The following MTTP variants were observed in gnomAD, a reference collection of about 807,000 sequenced individuals.
MTTP encodes microsomal triglyceride transfer protein large subunit.
Under a neutral mutation model 90.6 loss-of-function variants are expected in MTTP, and 49 were observed. The observed-to-expected ratio is 0.54, with a 90% CI of 0.43 to 0.69. The LOEUF (loss-of-function observed/expected upper bound fraction) is 0.69. MTTP is among the 30% of genes least tolerant of loss of function. MTTP has a pLI of 0.00. For missense variants in MTTP, 945 were observed against 1,067.5 expected, an observed-to-expected ratio of 0.89 and a Z score of 1.60; for synonymous variants, 347 against 384.2, an observed-to-expected ratio of 0.90 and a Z score of 1.13.
chr4:99,574,041 A>G (rs550506071), upstream of MTTP, among the ~76,000 whole-genome samples: 2 of 152,312 alleles, frequency 1.3e-5, no homozygotes, highest in East Asian at 3.9e-4. Flanking sequence ...GAAGTTTTCT[A>G]ATTAATATTC....
At position 99,611,135 on chromosome 4, in the gene MTTP, T is replaced by C. The variant is rs147824526; in HGVS notation, c.1770-8T>C. ...ATGTGCAGCTTTTTTTTTCCTCATA[T>C]GTTGCAGCAAAATTGTCCGTCGAGT... is the stretch of plus-strand genomic sequence containing the variant. On this transcript the variant is annotated splice_polypyrimidine_tract_variant and splice_region_variant and intron_variant, in intron 12 of 17. Transcript: ENST00000265517. 7.4e-6 allele frequency: 12 copies of C among 1,612,564 alleles called. No individual in the cohort carries two copies. The highest frequency in any genetic ancestry group is 1.0e-5 in the Non-Finnish European group (12 of 1,178,654).
In MTTP at chr4:99,623,005, G is replaced by T; in HGVS notation, c.*157G>T. 2.4e-6 allele frequency: 2 copies of T among 829,010 alleles called. No homozygotes were observed. The highest frequency in any genetic ancestry group is 4.0e-6 in the Non-Finnish European group (2 of 499,692). The allele number at this position is 829,010 out of a possible 1,614,324, so 51.4% of individuals were successfully genotyped here. ...AAAAAACTGCAGTTTGATCAAATTT[G>T]GGTATATGCAGTATGCTACCCACAG... On this transcript the variant is annotated 3_prime_UTR_variant, in exon 18 of 18. Coordinates refer to ENST00000265517, the MANE Select transcript of MTTP (RefSeq NM_001386140.1).
Position 99,591,641 on chromosome 4 carries a change from A to G in MTTP, c.619-10A>G. On this transcript the variant is annotated splice_polypyrimidine_tract_variant and intron_variant, in intron 5 of 17. Coordinates refer to ENST00000265517, the MANE Select transcript of MTTP (RefSeq NM_001386140.1). ...TTACTTGTTATAAAGATGGCTATTT[A>G]TTTATTTAGGTCTTGGGTGTCAGTT... is the stretch of plus-strand genomic sequence containing the variant. The G allele has an allele frequency of 6.2e-7, 1 of 1,609,792 alleles. No individual in the cohort carries two copies. The highest frequency in any genetic ancestry group is 1.1e-5 in the South Asian group (1 of 90,862).
chr4:99,599,645 T>C (rs1341661882), intron 8 of MTTP, among the ~76,000 whole-genome samples: 2 of 152,180 alleles, frequency 1.3e-5, no homozygotes, highest in African/African-American at 2.4e-5. Context: ...CTGAGGTAAA[T>C]ACTACTTTGG....
At chr4:99,574,385 T>C (rs1560611394), upstream of MTTP, among the ~76,000 whole-genome samples, 1 of 152,210 alleles carries the variant, frequency 6.6e-6, no homozygotes, top group South Asian at 2.1e-4. Flanking sequence ...GTGAATTTTT[T>C]ATAATAGCAT....
At chr4:99,621,342 G>A in intron 17 of MTTP, 111 bp downstream of exon 17, 2 of 1,357,764 alleles carry the variant, frequency 1.5e-6, no homozygotes, top group East Asian at 2.3e-5. Context: ...TAGAAACCCA[G>A]GGAAAGATGA....
intron 10 of MTTP, among the ~76,000 whole-genome samples, chr4:99,605,355 T>TA (rs1650972526): frequency 6.6e-6 from 1 of 152,206 alleles, no homozygotes; most frequent in African/African-American, 2.4e-5. Context: ...TTTTGTATCT[T>TA]ACATTTTTCA....
intron 3 of MTTP, among the ~76,000 whole-genome samples, chr4:99,589,399 T>G (rs1433447348): frequency 6.6e-6 from 1 of 152,046 alleles, no homozygotes; most frequent in Non-Finnish European, 1.5e-5. Flanking sequence ...ATCAGTGCTC[T>G]CTCCCAATGC....
chr4:99,574,243 C>T (rs1724898491), upstream of MTTP, among the ~76,000 whole-genome samples: 1 of 152,134 alleles, frequency 6.6e-6, no homozygotes, highest in Non-Finnish European at 1.5e-5. Flanking sequence ...CTGATTTGCT[C>T]CAACCTCATA....
At chr4:99,575,303 T>C (rs1724930130) in intron 1 of MTTP, among the ~76,000 whole-genome samples, 1 of 152,214 alleles carries the variant, frequency 6.6e-6, no homozygotes, top group Non-Finnish European at 1.5e-5. Flanking sequence ...GTTGGTCACA[T>C]TGAATGCAGC....
At chr4:99,588,362 T>C (rs1157611939) in intron 3 of MTTP, among the ~76,000 whole-genome samples, 1 of 152,148 alleles carries the variant, frequency 6.6e-6, no homozygotes, top group Non-Finnish European at 1.5e-5. Context: ...GTATCTATCC[T>C]CTATTTCTAA....
At chr4:99,580,914 G>A (rs1725094740) in intron 1 of MTTP, among the ~76,000 whole-genome samples, 1 of 152,042 alleles carries the variant, frequency 6.6e-6, no homozygotes, top group South Asian at 2.1e-4. Flanking sequence ...TTTGCTTCTT[G>A]TCTAGTCACC....
intron 16 of MTTP, 102 bp from the exon 17 acceptor site, chr4:99,620,959 T>A (rs1019501480): frequency 1.3e-5 from 14 of 1,111,626 alleles, no homozygotes; most frequent in Non-Finnish European, 1.4e-5. Context: ...TTCCTTCCAG[T>A]CACTGGCATC....
intron 7 of MTTP, chr4:99,595,720 A>G (rs1404930666): frequency 1.3e-5 from 2 of 151,768 alleles, no homozygotes; most frequent in East Asian, 1.9e-4. Flanking sequence ...AAAACACAAA[A>G]TCATCATTTT....
intron 1 of MTTP, among the ~76,000 whole-genome samples, chr4:99,567,334 G>T (rs1724726357): frequency 6.6e-6 from 1 of 152,120 alleles, no homozygotes; most frequent in Non-Finnish European, 1.5e-5. Flanking sequence ...ATAACTAGGT[G>T]AAAAGGAATC....
At chr4:99,612,366 CTT>C (rs111611870) in intron 14 of MTTP, among the ~76,000 whole-genome samples, 45 of 134,772 alleles carry the variant, frequency 3.3e-4, no homozygotes, top group South Asian at 9.5e-4. Flanking sequence ...TGTTTATCGA[CTT>C]TTTTTTTTTT....
intron 1 of MTTP, among the ~76,000 whole-genome samples, chr4:99,580,566 C>T (rs1725078461): frequency 1.3e-5 from 1 of 77,524 alleles, no homozygotes; most frequent in Non-Finnish European, 2.2e-5. Flanking sequence ...CAGAGTGAGA[C>T]TCTGTCTCAA....
At chr4:99,565,486 G>C (rs1232556274) in intron 1 of MTTP, among the ~76,000 whole-genome samples, 1 of 152,028 alleles carries the variant, frequency 6.6e-6, no homozygotes, top group Non-Finnish European at 1.5e-5. Context: ...AGTTTAAGAC[G>C]GTGAAATCAT....
At position 99,621,087 on chromosome 4, in the gene MTTP, T is replaced by C. The variant is rs1315984591; in HGVS notation, c.2369T>C (p.Ile790Thr). The C allele has an allele frequency of 5.0e-6, 8 of 1,613,982 alleles. No individual in the cohort carries two copies. Among genetic ancestry groups the C allele is most frequent in the Non-Finnish European group, 6.8e-6 (8 of 1,179,980 alleles). Residue 790 changes from isoleucine (I) to threonine (T), a missense_variant, in exon 17 of 18, where the codon ATC (isoleucine) becomes ACC (threonine). Coordinates refer to ENST00000265517, the MANE Select transcript of MTTP (RefSeq NM_001386140.1). ...NRVTVVITTD[I>T]TVDSSFVKAG... is the part of the protein sequence containing the mutation. ...GTGACTGTGGTAATAACCACTGACA[T>C]CACAGTGGACTCCTCTTTTGTGAAA...
Sources: gnomAD v4.1 joint callset for allele counts (sites outside exome capture counted in the v4.1 genomes callset) on GRCh38, gnomAD v4.1.1 for gene constraint, MANE v1.5 for transcripts, NCBI Gene and HGNC (gene_info 2026-07-23, HGNC 2026-07-21) for gene names.